The following ZFX variants were observed in gnomAD, a reference collection of about 807,000 sequenced individuals.
The protein encoded by ZFX is zinc finger protein X-linked, also known as zinc finger X-chromosomal protein.
For synonymous variants in ZFX, 196 were observed against 226.8 expected (o/e 0.86, Z 1.22); for missense variants, 362 against 628.3 (o/e 0.58, Z 4.53).
At chrX:24,159,356 C>G (rs1273923440) in intron 3 of ZFX, among the ~76,000 whole-genome samples, 1 of 112,518 alleles carries the variant, frequency 8.9e-6, no homozygotes, top group Non-Finnish European at 1.9e-5. Context: ...TTGCCATGTA[C>G]TTTTCCTTTT....
chrX:24,173,855 A>G (rs1302711818), intron 4 of ZFX: 7 of 381,641 alleles, frequency 1.8e-5, no homozygotes, highest in African/African-American at 2.8e-5. Flanking sequence ...TCGGTCTCCT[A>G]TAAGTATTGG....
intron 4 of ZFX, among the ~76,000 whole-genome samples, chrX:24,174,756 T>G (rs774449629): frequency 1.6e-3 from 181 of 110,743 alleles, no homozygotes; most frequent in Middle Eastern, 4.7e-3. Flanking sequence ...CCCTGTTGCC[T>G]GGGCTAGAGT....
rs1184705560 is a variant in ZFX at position 24,214,201 on chromosome X, AAG to A, written c.*2828_*2829del. 1 of 112,128 alleles carries A rather than the reference AAG, an allele frequency of 8.9e-6. No individual in the cohort carries two copies. Among genetic ancestry groups the A allele is most frequent in the African/African-American group, 3.2e-5 (1 of 30,831 alleles). 9.2% of individuals were successfully genotyped at this position (112,128 alleles called of 1,213,427 possible). A position where few individuals can be genotyped will look rare whatever the true frequency, so the allele number is the denominator to read the frequency against. On this transcript the variant is annotated 3_prime_UTR_variant, in exon 10 of 10. Coordinates refer to ENST00000304543, the MANE Select transcript of ZFX (RefSeq NM_003410.4). ...ATGGATGTTTCAGTTAAATGTTTTA[AAG>A]AGGTACAGATTTTTACAAGGACATA...
At chrX:24,200,760 A>G (rs2238928) in intron 5 of ZFX, among the ~76,000 whole-genome samples, 48,712 of 110,345 alleles carry the variant, frequency 0.44, 7,804 homozygotes, top group South Asian at 0.78. Flanking sequence ...CAGGCACCTC[A>G]CTTTCTCTTC....
At chrX:24,208,787 C>G in intron 8 of ZFX, 113 bp from the exon 9 acceptor site, 1 of 820,581 alleles carries the variant, frequency 1.2e-6, no homozygotes, top group South Asian at 2.8e-5. Context: ...TGGGGAATTT[C>G]TGTCATTCAT....
chrX:24,150,566 C>T (rs1488266910), intron 1 of ZFX: 1 of 113,250 alleles, frequency 8.8e-6, no homozygotes, highest in Non-Finnish European at 1.9e-5. Context: ...CGGCCACCGC[C>T]GCCGCCCGGA....
chrX:24,209,179 A>T, intron 9 of ZFX, 139 bp downstream of exon 9: 1 of 907,653 alleles, frequency 1.1e-6, no homozygotes, highest in Non-Finnish European at 1.5e-6. Context: ...TTGAAAATAT[A>T]ATTTTCAGAA....
chrX:24,196,048 A>G (rs915500462), intron 5 of ZFX, among the ~76,000 whole-genome samples: 8 of 111,575 alleles, frequency 7.2e-5, no homozygotes, highest in African/African-American at 2.6e-4. Flanking sequence ...TTTGCCCTCC[A>G]CTTTCCTTGA....
intron 3 of ZFX, among the ~76,000 whole-genome samples, chrX:24,155,804 C>T (rs899627735): frequency 8.9e-6 from 1 of 112,526 alleles, no homozygotes; most frequent in Non-Finnish European, 1.9e-5. Context: ...ATTTATCGGC[C>T]ATCAGAGTTT....
At chrX:24,191,368 T>C (rs1936512358) in intron 5 of ZFX, among the ~76,000 whole-genome samples, 1 of 111,553 alleles carries the variant, frequency 9.0e-6, no homozygotes, top group South Asian at 3.8e-4. Context: ...AAGTCTCTTA[T>C]AGGCTATATA....
chrX:24,187,765 G>A (rs762056065), intron 5 of ZFX, among the ~76,000 whole-genome samples: 195 of 111,826 alleles, frequency 1.7e-3, no homozygotes, highest in African/African-American at 5.9e-3. Flanking sequence ...GAGATAAACA[G>A]CAAAGTCCCT....
At position 24,215,241 on chromosome X, in the gene ZFX, T is replaced by A. The variant is rs1431800488; in HGVS notation, c.*3865T>A. 1 of 112,122 alleles carries A rather than the reference T, an allele frequency of 8.9e-6. No homozygotes were observed. The highest frequency in any genetic ancestry group is 1.9e-5 in the Non-Finnish European group (1 of 53,261). 9.2% of individuals were successfully genotyped at this position (112,122 alleles called of 1,213,427 possible). ...TCCAACAAGTCCGATAACATGCTGC[T>A]GTATTTGTATTCTCTGGGAATCTCA... On this transcript the variant is annotated 3_prime_UTR_variant, in exon 10 of 10. Coordinates refer to ENST00000304543, the MANE Select transcript of ZFX (RefSeq NM_003410.4).
At position 24,211,649 on chromosome X, in the gene ZFX, C is replaced by T. The variant is rs954524872; in HGVS notation, c.*273C>T. 13 of 289,035 alleles carry T rather than the reference C, an allele frequency of 4.5e-5. No individual in the cohort carries two copies. The highest frequency in any genetic ancestry group is 3.6e-4 in the African/African-American group (13 of 36,163). The allele number at this position is 289,035 out of a possible 1,213,427, so 23.8% of individuals were successfully genotyped here. Reference sequence around the variant, plus strand: ...CTGATTCTATACCGAAGTTTTATATCTTAGAATTTTATATTTATTTAAATA... The same window carrying T: ...CTGATTCTATACCGAAGTTTTATATTTTAGAATTTTATATTTATTTAAATA... On this transcript the variant is annotated 3_prime_UTR_variant, in exon 10 of 10. Transcript: ENST00000304543.
chrX:24,200,702 A>T (rs1937238861), intron 5 of ZFX, among the ~76,000 whole-genome samples: 1 of 111,945 alleles, frequency 8.9e-6, no homozygotes, highest in South Asian at 3.7e-4. Context: ...TTTTGAGCAC[A>T]TTTTCATTTC....
Position 24,211,712 on chromosome X carries a change from A to G in ZFX, c.*336A>G, listed in dbSNP as rs1938093056. 6.1e-6 allele frequency: 1 copy of G among 163,949 alleles called. No homozygotes were observed. Among genetic ancestry groups the G allele is most frequent in the Admixed American group, 7.2e-5 (1 of 13,833 alleles). 13.5% of individuals were successfully genotyped at this position (163,949 alleles called of 1,213,427 possible). A position where few individuals can be genotyped will look rare whatever the true frequency, so the allele number is the denominator to read the frequency against. ...ACCTTGATGGTACTCTTCTAAGACC[A>G]TTAACTTAAGGTAACTTTATATTGG... On this transcript the variant is annotated 3_prime_UTR_variant, in exon 10 of 10. Coordinates refer to ENST00000304543, the MANE Select transcript of ZFX (RefSeq NM_003410.4).
chrX:24,192,625 A>G (rs1368416236), intron 5 of ZFX, among the ~76,000 whole-genome samples: 1 of 111,709 alleles, frequency 9.0e-6, no homozygotes, highest in Non-Finnish European at 1.9e-5. Flanking sequence ...AAGATTTTGA[A>G]GCCTGGCACA....
rs149173785 is a variant in ZFX at position 24,187,063 on chromosome X, T to C, written c.646+7293T>C. Among the ~76,000 whole-genome samples the C allele has an allele frequency of 6.9e-3, 779 of 112,113 alleles. 9 individuals carry two copies. Among genetic ancestry groups the C allele is most frequent in the African/African-American group, 0.024 (731 of 30,861 alleles). On this transcript the variant is annotated intron_variant, in intron 5 of 9. Transcript: ENST00000304543. ...GTAATAGTAAATCTTCAATAAATGATATCTATGTGCCGGAATTGAAAATAT... is the reference window on the plus strand; with the variant it reads ...GTAATAGTAAATCTTCAATAAATGACATCTATGTGCCGGAATTGAAAATAT...
At chrX:24,150,735 T>C (rs1197630961) in intron 1 of ZFX, 1 of 113,267 alleles carries the variant, frequency 8.8e-6, no homozygotes, top group African/African-American at 3.2e-5. Flanking sequence ...TCAAATCATA[T>C]GTGGCTGCTA....
chrX:24,202,406 T>G (rs1353356136), intron 5 of ZFX, among the ~76,000 whole-genome samples: 3 of 111,961 alleles, frequency 2.7e-5, no homozygotes, highest in African/African-American at 9.7e-5. Context: ...TTCCATTGAC[T>G]CCTCAGCCCA....
Sources: gnomAD v4.1 joint callset for allele counts (sites outside exome capture counted in the v4.1 genomes callset) on GRCh38, gnomAD v4.1.1 for gene constraint, MANE v1.5 for transcripts, NCBI Gene and HGNC (gene_info 2026-07-23, HGNC 2026-07-21) for gene names.